Variants in ST7 observed in about 807,000 individuals in gnomAD.
ST7 encodes the protein suppressor of tumorigenicity 7 protein.
In ST7, 28 loss-of-function variants were observed where a neutral mutation model predicts 78.7. That is an observed-to-expected ratio of 0.36 (90% CI 0.26 to 0.49). The LOEUF is 0.49. Among genes scored for constraint, ST7 ranks in the 20% least tolerant of loss-of-function variants. The pLI, the probability that ST7 is intolerant of heterozygous loss-of-function variation, is 0.99. For synonymous variants in ST7, 247 were observed against 249.6 expected (o/e 0.99, Z 0.10); for missense variants, 418 against 696.0 (o/e 0.60, Z 4.49).
At chr7:117,080,973 A>T (rs143168687) in intron 1 of ST7, 222 of 152,308 alleles carry the variant, frequency 1.5e-3, no homozygotes, top group African/African-American at 4.6e-3. Context: ...GTGTTGTGGG[A>T]TACACAAAAA....
At chr7:117,105,763 C>T (rs760103630) in intron 2 of ST7, among the ~76,000 whole-genome samples, 11 of 152,082 alleles carry the variant, frequency 7.2e-5, no homozygotes, top group Admixed American at 2.0e-4. Flanking sequence ...GTAGATATTC[C>T]AGTGACCCTG....
chr7:117,228,491 T>C (rs1050701521), intron 15 of ST7, among the ~76,000 whole-genome samples: 9 of 152,196 alleles, frequency 5.9e-5, no homozygotes, highest in African/African-American at 2.2e-4. Context: ...CTGTCTTGAT[T>C]TTGCATTATA....
At chr7:117,025,722 G>A (rs770068034) in intron 1 of ST7, among the ~76,000 whole-genome samples, 3 of 152,112 alleles carry the variant, frequency 2.0e-5, no homozygotes, top group Non-Finnish European at 4.4e-5. Context: ...CTCATGTAAT[G>A]TATTTGACTC....
chr7:117,101,582 G>A (rs1212653647), intron 2 of ST7, among the ~76,000 whole-genome samples: 1 of 152,158 alleles, frequency 6.6e-6, no homozygotes, highest in African/African-American at 2.4e-5. Flanking sequence ...AAGGTATTAT[G>A]TGTAGAGTTG....
intron 9 of ST7, among the ~76,000 whole-genome samples, chr7:117,158,370 G>A (rs1806867169): frequency 1.3e-5 from 2 of 152,252 alleles, no homozygotes; most frequent in East Asian, 1.9e-4. Context: ...TGGACTAAAC[G>A]GATCACAGTT....
intron 1 of ST7, among the ~76,000 whole-genome samples, chr7:117,005,747 G>C (rs1260392710): frequency 1.3e-5 from 2 of 151,902 alleles, no homozygotes; most frequent in Non-Finnish European, 2.9e-5. Flanking sequence ...AAATGTCCTG[G>C]GAAAAAATCT....
At chr7:117,204,685 T>C (rs1791567079) in intron 12 of ST7, among the ~76,000 whole-genome samples, 1 of 152,190 alleles carries the variant, frequency 6.6e-6, no homozygotes, top group Non-Finnish European at 1.5e-5. Flanking sequence ...TTCTCAGAAC[T>C]CCTTATTGAT....
chr7:117,165,464 G>A (rs1807477803), intron 9 of ST7, among the ~76,000 whole-genome samples: 1 of 152,148 alleles, frequency 6.6e-6, no homozygotes, highest in South Asian at 2.1e-4. Context: ...GACACGTTTA[G>A]GGATATGTAA....
intron 1 of ST7, among the ~76,000 whole-genome samples, chr7:116,975,591 A>G (rs905129805): frequency 6.6e-6 from 1 of 151,930 alleles, no homozygotes; most frequent in Non-Finnish European, 1.5e-5. Flanking sequence ...TATTTTTACT[A>G]GAGACAGAGT....
chr7:116,989,833 T>C (rs1229784650), intron 1 of ST7, among the ~76,000 whole-genome samples: 4 of 152,076 alleles, frequency 2.6e-5, no homozygotes, highest in Non-Finnish European at 5.9e-5. Flanking sequence ...AGTGATACCC[T>C]CTCTCCAAAA....
intron 5 of ST7, 60 bp from the exon 6 acceptor site, chr7:117,131,825 A>G (rs1804382548): frequency 2.1e-6 from 3 of 1,436,098 alleles, no homozygotes; most frequent in Middle Eastern, 1.7e-4. Context: ...CTTGTCCTCT[A>G]CTGAGTCTAC....
intron 1 of ST7, among the ~76,000 whole-genome samples, chr7:117,003,168 T>C (rs1002632082): frequency 1.3e-5 from 2 of 151,712 alleles, no homozygotes; most frequent in African/African-American, 4.8e-5. Flanking sequence ...ATTTTTTTTT[T>C]GAGACAAGGT....
At chr7:117,087,691 C>G (rs1800266546) in intron 1 of ST7, among the ~76,000 whole-genome samples, 1 of 152,192 alleles carries the variant, frequency 6.6e-6, no homozygotes. Flanking sequence ...GAGCTGGCTG[C>G]CTTAATTTCC....
At chr7:117,224,407 C>A (rs1793309195) in intron 15 of ST7, among the ~76,000 whole-genome samples, 1 of 152,106 alleles carries the variant, frequency 6.6e-6, no homozygotes, top group Non-Finnish European at 1.5e-5. Flanking sequence ...AGTTTATGGG[C>A]CTACACTACT....
At chr7:117,051,200 C>G (rs1300624695) in intron 1 of ST7, among the ~76,000 whole-genome samples, 1 of 152,128 alleles carries the variant, frequency 6.6e-6, no homozygotes, top group East Asian at 1.9e-4. Flanking sequence ...GGAAATGGTC[C>G]CTTCTGTCAT....
At chr7:117,218,891 G>A (rs1792884677) in intron 13 of ST7, 193 bp from the exon 14 acceptor site, 6 of 554,422 alleles carry the variant, frequency 1.1e-5, no homozygotes, top group South Asian at 1.1e-4. Context: ...AATATATAGT[G>A]TGAGATGAAT....
At chr7:117,045,856 A>C (rs1797466141) in intron 1 of ST7, among the ~76,000 whole-genome samples, 1 of 152,220 alleles carries the variant, frequency 6.6e-6, no homozygotes. Context: ...CTGGCTTTCA[A>C]GTTTTTAATG....
intron 12 of ST7, among the ~76,000 whole-genome samples, chr7:117,191,335 C>T (rs1158926232): frequency 2.0e-5 from 3 of 151,900 alleles, no homozygotes; most frequent in African/African-American, 7.3e-5. Context: ...TGTGGCATTC[C>T]GTGTCTCTAT....
chr7:116,965,080 C>CTGTAA (rs1347666708), intron 1 of ST7, among the ~76,000 whole-genome samples: 1 of 152,190 alleles, frequency 6.6e-6, no homozygotes, highest in Non-Finnish European at 1.5e-5. Context: ...TGGCTCACGC[C>CTGTAA]TGTAATCCCA....
Sources: gnomAD v4.1 joint callset for allele counts (sites outside exome capture counted in the v4.1 genomes callset) on GRCh38, gnomAD v4.1.1 for gene constraint, MANE v1.5 for transcripts, NCBI Gene and HGNC (gene_info 2026-07-23, HGNC 2026-07-21) for gene names.